The following SIPA1 variants were observed in gnomAD, a reference collection of about 807,000 sequenced individuals.
The protein encoded by SIPA1 is signal-induced proliferation-associated 1.
Under a neutral mutation model 88.1 loss-of-function variants are expected in SIPA1, and 51 were observed. The observed-to-expected ratio is 0.58, with a 90% CI of 0.46 to 0.73. The LOEUF (loss-of-function observed/expected upper bound fraction) is 0.73. SIPA1 is among the 30% of genes least tolerant of loss of function. The pLI is 0.00. For missense variants in SIPA1, 1,348 were observed against 1,467.6 expected, an observed-to-expected ratio of 0.92 and a Z score of 1.33; for synonymous variants, 681 against 664.8, an observed-to-expected ratio of 1.02 and a Z score of -0.37.
Position 65,647,573 on chromosome 11 carries a change from C to G in SIPA1, c.2221C>G (p.Pro741Ala). 1 of 1,343,478 alleles carries G rather than the reference C, an allele frequency of 7.4e-7. No individual in the cohort carries two copies. 83.2% of individuals were successfully genotyped at this position (1,343,478 alleles called of 1,614,324 possible). A position where few individuals can be genotyped will look rare whatever the true frequency, so the allele number is the denominator to read the frequency against. Residue 741 changes from proline (P) to alanine (A), a missense_variant, in exon 9 of 16, where the codon CCC (proline) becomes GCC (alanine). This residue lies in a region of SIPA1 where 615 missense variants were observed against 559.8 expected (regional missense o/e 1.10). Transcript: ENST00000534313. Reference sequence around the variant, plus strand: ...CGGCCAGACTCTGCCCAGCCTCCGGCCCGAGGCCGCTGCCCAGCTCCTGCG... The same window carrying G: ...CGGCCAGACTCTGCCCAGCCTCCGGGCCGAGGCCGCTGCCCAGCTCCTGCG... ...VCGQTLPSLR[P>A]EAAAQLLRSA...
chr11:65,650,811 C>G lies in SIPA1; in HGVS notation c.*96C>G, dbSNP rs934573680. ...CGCAGAGGCGTGTCTTAGCACTGCC[C>G]CCCTCCCTAGCCCCTTATTTGGTGG... On this transcript the variant is annotated 3_prime_UTR_variant, in exon 16 of 16. Coordinates refer to ENST00000534313, the MANE Select transcript of SIPA1 (RefSeq NM_006747.4). The G allele has an allele frequency of 3.8e-6, 5 of 1,303,290 alleles. No homozygotes were observed. The African/African-American group carries it at 6.0e-5, about 16-fold the overall frequency. 80.7% of individuals were successfully genotyped at this position (1,303,290 alleles called of 1,614,324 possible). A position where few individuals can be genotyped will look rare whatever the true frequency, so the allele number is the denominator to read the frequency against.
Position 65,641,057 on chromosome 11 carries a change from G to A in SIPA1, c.136G>A (p.Val46Ile). ...LTPHTFEPRP[V>I]RGPLLRSGSD... is the part of the protein sequence containing the mutation. ...ACCGCACACCTTCGAGCCGAGGCCA[G>A]TCCGGGGCCCACTCCTGCGCAGCGG... Residue 46 changes from valine to isoleucine, a missense_variant, in exon 2 of 16, where the codon GTC becomes ATC. Physicochemically the swap from Val to Ile is conservative, Grantham distance 29. Coordinates refer to ENST00000534313, the MANE Select transcript of SIPA1 (RefSeq NM_006747.4). 3.1e-6 allele frequency: 5 copies of A among 1,597,790 alleles called. No individual in the cohort carries two copies. Among genetic ancestry groups the A allele is most frequent in the Non-Finnish European group, 4.3e-6 (5 of 1,176,330 alleles).
At position 65,647,115 on chromosome 11, in the gene SIPA1, T is replaced by G. The variant is rs764930073; in HGVS notation, c.2031+50T>G. 44 of 1,438,726 alleles carry G rather than the reference T, an allele frequency of 3.1e-5. No homozygotes were observed. The South Asian group carries it at 6.0e-4, about 20-fold the overall frequency. The allele number at this position is 1,438,726 out of a possible 1,614,324, so 89.1% of individuals were successfully genotyped here. A position where few individuals can be genotyped will look rare whatever the true frequency, so the allele number is the denominator to read the frequency against. On this transcript the variant is annotated intron_variant, in intron 8 of 15. Transcript: ENST00000534313. ...CCCCTGCGCGCGGCGGGGCGGAGCC[T>G]GCTTTGGACCCCTCCCTCCCGCCGC...
intron 8 of SIPA1, 117 bp from the exon 9 acceptor site, chr11:65,647,267 C>T (rs1282207193): frequency 3.7e-6 from 5 of 1,364,628 alleles, no homozygotes; most frequent in Middle Eastern, 2.7e-4. Context: ...CGGTGGCACA[C>T]GCGGCCCTCG....
intron 8 of SIPA1, 32 bp from the exon 9 acceptor site, chr11:65,647,336 GGCCCCACCTCCCGGCA>G: frequency 1.5e-6 from 2 of 1,370,572 alleles, no homozygotes; most frequent in Non-Finnish European, 9.4e-7. Context: ...GCGCTGGGGC[GGCCCCACCTCCCGGCA>G]GCCCCGCCCA....
At chr11:65,647,834 C>T in intron 9 of SIPA1, among the ~76,000 whole-genome samples, 176 bp downstream of exon 9, 1 of 150,348 alleles carries the variant, frequency 6.7e-6, no homozygotes, top group East Asian at 2.0e-4. Flanking sequence ...CTCTGTCTCT[C>T]TCTCTTTCTC....
chr11:65,648,836 C>CA lies in SIPA1; in HGVS notation c.2307-412dup, dbSNP rs34071483. Among the ~76,000 whole-genome samples, 1,137 of 112,594 alleles carry CA rather than the reference C, an allele frequency of 0.01. 57 individuals carry two copies. In the East Asian group the frequency reaches 0.17, roughly 16 times the overall value. The allele number at this position is 112,594 out of a possible 152,430, so 73.9% of individuals were successfully genotyped here. A position where few individuals can be genotyped will look rare whatever the true frequency, so the allele number is the denominator to read the frequency against. ...GGGCAACAAGAGCAAAACTCCATCT[C>CA]AAAAAAAAAAAAAAGTAAAATCCAT... is the stretch of plus-strand genomic sequence containing the variant. On this transcript the variant is annotated intron_variant, in intron 9 of 15. Coordinates refer to ENST00000534313, the MANE Select transcript of SIPA1 (RefSeq NM_006747.4).
At chr11:65,640,751 C>G (rs567101078) in intron 1 of SIPA1, 80 bp from the exon 2 acceptor site, 2 of 550,214 alleles carry the variant, frequency 3.6e-6, no homozygotes, top group East Asian at 6.6e-5. Context: ...GAAGCCAACA[C>G]GGGTGGTGGA....
intron 9 of SIPA1, among the ~76,000 whole-genome samples, chr11:65,648,655 G>A (rs1156873666): frequency 1.3e-5 from 2 of 151,980 alleles, no homozygotes; most frequent in African/African-American, 4.8e-5. Flanking sequence ...CCAACATGCT[G>A]AAACCCGTCT....
At chr11:65,647,733 C>T (rs1391707620) in intron 9 of SIPA1, 75 bp downstream of exon 9, 120 of 1,190,092 alleles carry the variant, frequency 1.0e-4, no homozygotes, top group Non-Finnish European at 1.2e-4. Context: ...TCCCGGGTCG[C>T]CATCAGCAGT....
chr11:65,649,283 G>A lies in SIPA1; in HGVS notation c.2328G>A (p.Thr776=), dbSNP rs764068625. 134 of 1,545,816 alleles carry A rather than the reference G, an allele frequency of 8.7e-5. 1 individual carries two copies. The highest frequency in any genetic ancestry group is 1.1e-4 in the Non-Finnish European group (125 of 1,143,336). Residue 776 remains threonine, a synonymous_variant, in exon 10 of 16, where the codon ACG becomes ACA. Coordinates refer to ENST00000534313, the MANE Select transcript of SIPA1 (RefSeq NM_006747.4). ...ACAGGAGTTTTTCGGAGCTGTACAC[G>A]CTGTCGCTGCAGGAGCCTAGCCGGC... ...RPRRSFSELY[T]LSLQEPSRRG... is the part of the protein sequence containing the mutation.
chr11:65,646,629 G>T lies in SIPA1; in HGVS notation c.1595G>T (p.Arg532Leu). ...RQFHAMATRT[R>L]QQYLQDLATN... The stretch of plus-strand genomic sequence containing the variant: ...TTCCACGCCATGGCCACGCGCACCC[G>T]CCAGCAGTACCTGCAAGACCTGGCC... The change falls in exon 8 of 16, where the codon CGC becomes CTC. Residue 532 changes from arginine (R) to leucine (L), a missense_variant. Transcript: ENST00000534313. The surrounding 1 kb of genome is among the most constrained non-coding windows in gnomAD (Gnocchi z 7.5). 2 of 1,548,382 alleles carry T rather than the reference G, an allele frequency of 1.3e-6. No homozygotes were observed.
At chr11:65,645,709 G>C (rs1429140140) in intron 5 of SIPA1, 145 bp from the exon 6 acceptor site, 11 of 582,186 alleles carry the variant, frequency 1.9e-5, no homozygotes, top group Non-Finnish European at 3.1e-5. Flanking sequence ...GAATCTCGCT[G>C]GCTGGGCATT....
chr11:65,646,417 G>A lies in SIPA1; in HGVS notation c.1421+39G>A. The A allele has an allele frequency of 1.3e-6, 2 of 1,598,832 alleles. No homozygotes were observed. Among genetic ancestry groups the A allele is most frequent in the Non-Finnish European group, 1.7e-6 (2 of 1,176,228 alleles). On this transcript the variant is annotated intron_variant, in intron 7 of 15. Transcript: ENST00000534313. This position sits in a 1 kb window ranked among gnomAD's most constrained non-coding sequence, Gnocchi z 7.5. ...TGGTCCCAGGTCTCCCGTGGGCATG[G>A]AGTCCTGCCGCCCCTCACTAACGCC...
Position 65,646,149 on chromosome 11 carries a change from T to C in SIPA1, c.1264-72T>C. ...GGGGGAGCCATTGGTGCCTTGGCTT[T>C]CTCCTGCCTGAATGAGGAGGGGTTT... On this transcript the variant is annotated intron_variant, in intron 6 of 15. Transcript: ENST00000534313. The surrounding 1 kb of genome is among the most constrained non-coding windows in gnomAD (Gnocchi z 7.5). 4 of 1,562,810 alleles carry C rather than the reference T, an allele frequency of 2.6e-6. No homozygotes were observed. The highest frequency in any genetic ancestry group is 3.5e-6 in the Non-Finnish European group (4 of 1,145,766).
In SIPA1 at chr11:65,647,084, C is replaced by A; in HGVS notation, c.2031+19C>A. 1 of 1,498,452 alleles carries A rather than the reference C, an allele frequency of 6.7e-7. No individual in the cohort carries two copies. The highest frequency in any genetic ancestry group is 2.5e-5 in the East Asian group (1 of 40,196). 92.8% of individuals were successfully genotyped at this position (1,498,452 alleles called of 1,614,324 possible). A position where few individuals can be genotyped will look rare whatever the true frequency, so the allele number is the denominator to read the frequency against. ...CCTGCAGGTGAGCTGGAGTGGTAAA[C>A]TGGGGCCCCTGCGCGCGGCGGGGCG... On this transcript the variant is annotated intron_variant, in intron 8 of 15. Transcript: ENST00000534313.
Position 65,649,594 on chromosome 11 carries a change from C to G in SIPA1, c.2559C>G (p.Asn853Lys). 1 of 1,614,126 alleles carries G rather than the reference C, an allele frequency of 6.2e-7. No individual in the cohort carries two copies. Among genetic ancestry groups the G allele is most frequent in the Non-Finnish European group, 8.5e-7 (1 of 1,180,024 alleles). Residue 853 changes from asparagine (N) to lysine (K), a missense_variant, in exon 11 of 16, where the codon AAC becomes AAG. Physicochemically the swap from Asn to Lys is moderately conservative, Grantham distance 94. This residue lies in a region of SIPA1 where 615 missense variants were observed against 559.8 expected (regional missense o/e 1.10). Coordinates refer to ENST00000534313, the MANE Select transcript of SIPA1 (RefSeq NM_006747.4). ...CGGATGAGGCCCCAGTCCTGCCCAA[C>G]ACCACCCCGGACCTCCTCCTGGCCA... ...SLSDEAPVLP[N>K]TTPDLLLATT...
At position 65,647,596 on chromosome 11, in the gene SIPA1, G is replaced by A. The variant is rs1856157216; in HGVS notation, c.2244G>A (p.Leu748=). Reference sequence around the variant, plus strand: ...GGCCCGAGGCCGCTGCCCAGCTCCTGCGCTCGGCGCCCAAGGTCTGCGTCA... The same window carrying A: ...GGCCCGAGGCCGCTGCCCAGCTCCTACGCTCGGCGCCCAAGGTCTGCGTCA... ...SLRPEAAAQL[L]RSAPKVCVTV... The change falls in exon 9 of 16, where the codon CTG becomes CTA. Residue 748 remains leucine, a synonymous_variant. Coordinates refer to ENST00000534313, the MANE Select transcript of SIPA1 (RefSeq NM_006747.4). The A allele has an allele frequency of 7.2e-7, 1 of 1,393,558 alleles. No homozygotes were observed. Among genetic ancestry groups the A allele is most frequent in the African/African-American group, 1.5e-5 (1 of 65,342 alleles). The allele number at this position is 1,393,558 out of a possible 1,614,324, so 86.3% of individuals were successfully genotyped here.
At chr11:65,638,300 A>G (rs1303830796) in intron 1 of SIPA1, 118 bp downstream of exon 1, 2 of 152,460 alleles carry the variant, frequency 1.3e-5, no homozygotes, top group Non-Finnish European at 1.5e-5. Context: ...GTTCGCCGCC[A>G]GCACCCTCCC....
Sources: allele counts gnomAD v4.1 joint callset (sites outside exome capture counted in the v4.1 genomes callset), GRCh38; gene constraint gnomAD v4.1.1; regional missense constraint gnomAD v4.1.1; non-coding constraint Gnocchi (gnomAD v3.1); transcripts MANE v1.5; gene names NCBI Gene and HGNC (gene_info 2026-07-23, HGNC 2026-07-21).